Variants in NCOA1 observed in about 807,000 individuals in gnomAD.
NCOA1 encodes the protein nuclear receptor coactivator 1, also known as Hin-2 protein.
A neutral mutation model predicts 150.9 loss-of-function variants in NCOA1; 35 were observed. The ratio of observed to expected loss-of-function variants is 0.23; its 90% CI spans 0.18 to 0.31. The LOEUF is 0.31. Ranked by LOEUF, NCOA1 falls within the 10% of genes least tolerant of loss-of-function variation. NCOA1 has a pLI of 1.00. For synonymous variants in NCOA1, 590 were observed against 630.0 expected (o/e 0.94, Z 0.95); for missense variants, 1,491 against 1,749.3 (o/e 0.85, Z 2.63).
At chr2:24,626,168 A>C (rs1305581755) in intron 3 of NCOA1, among the ~76,000 whole-genome samples, 3 of 152,138 alleles carry the variant, frequency 2.0e-5, no homozygotes, top group Non-Finnish European at 4.4e-5. Flanking sequence ...TTCCTCATGT[A>C]TATTTAAGCT....
intron 17 of NCOA1, among the ~76,000 whole-genome samples, chr2:24,736,639 T>G (rs1038304906): frequency 2.1e-4 from 32 of 152,246 alleles, no homozygotes; most frequent in African/African-American, 7.5e-4. Context: ...AGAATACTTT[T>G]GTCTTTGCAA....
chr2:24,603,229 C>G (rs1346507044), intron 3 of NCOA1, among the ~76,000 whole-genome samples: 1 of 152,140 alleles, frequency 6.6e-6, no homozygotes. Flanking sequence ...CTGAAAATTG[C>G]TAACGATTAT....
At chr2:24,626,331 A>AC (rs1471623884) in intron 3 of NCOA1, among the ~76,000 whole-genome samples, 2 of 152,226 alleles carry the variant, frequency 1.3e-5, no homozygotes, top group African/African-American at 4.8e-5. Context: ...GCATAGGCAG[A>AC]CCAGGGATAG....
At chr2:24,550,150 A>G (rs1375860883) in intron 1 of NCOA1, among the ~76,000 whole-genome samples, 1 of 152,184 alleles carries the variant, frequency 6.6e-6, no homozygotes. Flanking sequence ...AGTCTCTACA[A>G]AGTTTGAAAC....
rs1673529343 is a variant in NCOA1 at position 24,707,767 on chromosome 2, T to C, written c.2297T>C (p.Leu766Pro). 2 of 1,614,132 alleles carry C rather than the reference T, an allele frequency of 1.2e-6. No individual in the cohort carries two copies. The highest frequency in any genetic ancestry group is 1.7e-6 in the Non-Finnish European group (2 of 1,180,018). Residue 766 changes from leucine to proline, a missense_variant, in exon 13 of 23, where the codon CTG (leucine) becomes CCG (proline). Coordinates refer to ENST00000348332, the MANE Select transcript of NCOA1 (RefSeq NM_003743.5). The stretch of plus-strand genomic sequence containing the variant: ...AAAGATTTAAGATCAACTCCAAACC[T>C]GAGCCTGGATGATGTAAAGGTGAAA... ...DEKDLRSTPN[L>P]SLDDVKVKVE...
chr2:24,697,855 T>C, intron 11 of NCOA1, 57 bp downstream of exon 11: 3 of 1,506,610 alleles, frequency 2.0e-6, no homozygotes, highest in South Asian at 1.2e-5. Flanking sequence ...GATATTTGAA[T>C]AGTTCGTATA....
chr2:24,499,817 T>TA (rs1173776848), intron 1 of NCOA1, among the ~76,000 whole-genome samples: 1 of 152,228 alleles, frequency 6.6e-6, no homozygotes, highest in East Asian at 1.9e-4. Context: ...CCCTGTCTAT[T>TA]ATTTGACTGA....
intron 2 of NCOA1, among the ~76,000 whole-genome samples, chr2:24,568,984 C>A (rs1038143731): frequency 1.3e-4 from 20 of 152,090 alleles, no homozygotes; most frequent in Non-Finnish European, 2.4e-4. Flanking sequence ...AGAAAAGCTT[C>A]TTTGTTTCCT....
chr2:24,706,722 A>G lies in NCOA1; in HGVS notation c.1252A>G (p.Ile418Val). The stretch of plus-strand genomic sequence containing the variant: ...CAACAGCAACATGGTATCCACCAGA[A>G]TAAACCGCCAGCAGAGCTCAGACCT... ...PSNSNMVSTR[I>V]NRQQSSDLHS... is the part of the protein sequence containing the mutation. The change falls in exon 13 of 23, where the codon ATA (isoleucine) becomes GTA (valine). Residue 418 changes from isoleucine to valine, a missense_variant. Around this residue, in one of 8 missense-constraint regions of NCOA1, gnomAD observed 703 missense variants for 717.7 expected, o/e 0.98. Transcript: ENST00000348332. 1.9e-6 allele frequency: 3 copies of G among 1,614,220 alleles called. No homozygotes were observed. The highest frequency in any genetic ancestry group is 2.5e-6 in the Non-Finnish European group (3 of 1,180,026).
intron 3 of NCOA1, among the ~76,000 whole-genome samples, chr2:24,606,272 C>T (rs1366921944): frequency 1.3e-5 from 2 of 151,684 alleles, no homozygotes; most frequent in East Asian, 1.9e-4. Flanking sequence ...AGTCTCACTC[C>T]GTTGCCAAGG....
chr2:24,683,357 G>A (rs899576265), intron 8 of NCOA1, among the ~76,000 whole-genome samples: 30 of 152,072 alleles, frequency 2.0e-4, no homozygotes, highest in Admixed American at 1.2e-3. Context: ...TTTATACTGT[G>A]TGAATTGTTT....
intron 18 of NCOA1, 50 bp from the exon 19 acceptor site, chr2:24,741,730 GGATA>G (rs1162848038): frequency 2.0e-6 from 3 of 1,534,518 alleles, no homozygotes; most frequent in Non-Finnish European, 2.6e-6. Flanking sequence ...GAACTTTCCA[GGATA>G]GATAGTGATT....
chr2:24,541,180 G>A (rs1393688218), intron 1 of NCOA1, among the ~76,000 whole-genome samples: 1 of 152,214 alleles, frequency 6.6e-6, no homozygotes, highest in Non-Finnish European at 1.5e-5. Flanking sequence ...GGCAGTTCAT[G>A]GGTGAAGTTG....
intron 1 of NCOA1, among the ~76,000 whole-genome samples, chr2:24,515,058 A>G (rs1354626970): frequency 1.3e-5 from 2 of 152,192 alleles, no homozygotes; most frequent in Non-Finnish European, 2.9e-5. Context: ...ATAAGTTACC[A>G]AAGTTGTTTA....
At chr2:24,501,558 A>G (rs1054177304) in intron 1 of NCOA1, among the ~76,000 whole-genome samples, 6 of 152,228 alleles carry the variant, frequency 3.9e-5, no homozygotes, top group Non-Finnish European at 8.8e-5. Flanking sequence ...CCATATCTAC[A>G]TAATTTATTG....
At chr2:24,517,981 T>C (rs974874620) in intron 1 of NCOA1, among the ~76,000 whole-genome samples, 2 of 152,214 alleles carry the variant, frequency 1.3e-5, no homozygotes, top group Admixed American at 1.3e-4. Flanking sequence ...GTATGTATTT[T>C]GTGTAGATAT....
chr2:24,673,296 T>A, intron 6 of NCOA1, 70 bp from the exon 7 acceptor site: 1 of 1,093,970 alleles, frequency 9.1e-7, no homozygotes, highest in Non-Finnish European at 1.3e-6. Context: ...GATCTATGTC[T>A]TCGTAAACTT....
intron 14 of NCOA1, among the ~76,000 whole-genome samples, chr2:24,712,548 T>C (rs1191480813): frequency 1.3e-5 from 2 of 152,034 alleles, no homozygotes; most frequent in Non-Finnish European, 2.9e-5. Context: ...GAACACTGAC[T>C]GAACAGACAC....
intron 1 of NCOA1, among the ~76,000 whole-genome samples, chr2:24,516,480 C>T (rs1479228334): frequency 1.3e-5 from 2 of 151,232 alleles, no homozygotes; most frequent in Non-Finnish European, 3.0e-5. Flanking sequence ...GCATGAGCCA[C>T]CGTGCCCGGC....
Sources: gnomAD v4.1 joint callset for allele counts (sites outside exome capture counted in the v4.1 genomes callset) on GRCh38, gnomAD v4.1.1 for gene constraint, gnomAD v4.1.1 regional missense constraint, MANE v1.5 for transcripts, NCBI Gene and HGNC (gene_info 2026-07-23, HGNC 2026-07-21) for gene names.